The following HS3ST4 variants were observed in gnomAD, a reference collection of about 807,000 sequenced individuals.
HS3ST4 encodes heparan sulfate-glucosamine 3-sulfotransferase 4.
In HS3ST4, 17 loss-of-function variants were observed where a neutral mutation model predicts 29.2. The observed-to-expected ratio is 0.58, with a 90% CI of 0.40 to 0.87. The LOEUF (loss-of-function observed/expected upper bound fraction) is 0.87, where lower values mean the gene tolerates loss of function less well. HS3ST4 is among the 40% of genes least tolerant of loss of function. HS3ST4 has a pLI of 0.00. For synonymous variants in HS3ST4, 314 were observed against 285.7 expected, an observed-to-expected ratio of 1.10 and a Z score of -1.00; for missense variants, 627 against 634.5, an observed-to-expected ratio of 0.99 and a Z score of 0.13.
chr16:26,087,840 G>A (rs1214602528), intron 1 of HS3ST4, among the ~76,000 whole-genome samples: 2 of 151,924 alleles, frequency 1.3e-5, no homozygotes, highest in Non-Finnish European at 2.9e-5. Context: ...TTAGAATTTT[G>A]GATTAAGGAT....
chr16:26,047,175 A>G (rs1247298229), intron 1 of HS3ST4, among the ~76,000 whole-genome samples: 1 of 152,188 alleles, frequency 6.6e-6, no homozygotes, highest in African/African-American at 2.4e-5. Context: ...AGTTGCCATG[A>G]GCACCTCCTA....
chr16:25,913,041 T>C (rs1016415846), intron 1 of HS3ST4, among the ~76,000 whole-genome samples: 2 of 152,128 alleles, frequency 1.3e-5, no homozygotes, highest in Non-Finnish European at 2.9e-5. Flanking sequence ...GTTCTGGGAG[T>C]GTAAAAGATG....
At chr16:26,064,065 T>A (rs1414868442) in intron 1 of HS3ST4, among the ~76,000 whole-genome samples, 1 of 152,036 alleles carries the variant, frequency 6.6e-6, no homozygotes, top group East Asian at 1.9e-4. Flanking sequence ...GCTAGGTAGG[T>A]AACATAAACA....
chr16:25,707,564 G>T (rs922328461), intron 1 of HS3ST4, among the ~76,000 whole-genome samples: 2 of 152,192 alleles, frequency 1.3e-5, no homozygotes, highest in African/African-American at 4.8e-5. Flanking sequence ...CCAGAAGGTA[G>T]TATGAGAAGG....
intron 1 of HS3ST4, among the ~76,000 whole-genome samples, chr16:25,844,269 A>G (rs999204712): frequency 6.6e-6 from 1 of 152,196 alleles, no homozygotes; most frequent in African/African-American, 2.4e-5. Flanking sequence ...AGACACATTT[A>G]TCGTTTTGTT....
intron 1 of HS3ST4, among the ~76,000 whole-genome samples, chr16:25,938,741 C>T (rs1286678777): frequency 6.6e-6 from 1 of 152,166 alleles, no homozygotes; most frequent in African/African-American, 2.4e-5. Flanking sequence ...GTCTACTTCC[C>T]CTTTTACTGC....
At chr16:25,945,319 AGT>A (rs1968614410) in intron 1 of HS3ST4, among the ~76,000 whole-genome samples, 1 of 152,170 alleles carries the variant, frequency 6.6e-6, no homozygotes, top group South Asian at 2.1e-4. Context: ...ATGTCTTGGA[AGT>A]ATTTACATGT....
At position 25,888,289 on chromosome 16, in the gene HS3ST4, G is replaced by A. The variant is rs193091746; in HGVS notation, c.734+195138G>A. Among the ~76,000 whole-genome samples the A allele has an allele frequency of 1.2e-4, 19 of 152,272 alleles. No individual in the cohort carries two copies. The East Asian group carries it at 2.3e-3, about 19-fold the overall frequency. On this transcript the variant is annotated intron_variant, in intron 1 of 1. Coordinates refer to ENST00000331351, the MANE Select transcript of HS3ST4 (RefSeq NM_006040.3). The stretch of plus-strand genomic sequence containing the variant: ...ATTGGATCTTGGAATGAAAACGTCC[G>A]GTTGATGGTCTTCAGGAGAAGTATG...
intron 1 of HS3ST4, among the ~76,000 whole-genome samples, chr16:26,116,978 C>T (rs187972160): frequency 6.6e-6 from 1 of 152,196 alleles, no homozygotes; most frequent in Non-Finnish European, 1.5e-5. Flanking sequence ...TGGTCCCAAG[C>T]ATTTTGGATA....
chr16:26,051,912 C>CCCTTCCTTCCTTCCTTCCTT (rs1340165050), intron 1 of HS3ST4, among the ~76,000 whole-genome samples: 1 of 108,118 alleles, frequency 9.2e-6, no homozygotes, highest in African/African-American at 4.9e-5. Context: ...CTCCCTCCCT[C>CCCTTCCTTCCTTCCTTCCTT]CCTTCCTTCC....
chr16:25,928,588 G>A (rs1297430100), intron 1 of HS3ST4, among the ~76,000 whole-genome samples: 1 of 152,154 alleles, frequency 6.6e-6, no homozygotes, highest in Admixed American at 6.5e-5. Context: ...ATAGAGTACT[G>A]TCATCTCAGT....
intron 1 of HS3ST4, among the ~76,000 whole-genome samples, chr16:25,978,151 G>T (rs759621902): frequency 6.6e-6 from 1 of 152,172 alleles, no homozygotes; most frequent in Non-Finnish European, 1.5e-5. Context: ...GCTACTAACT[G>T]TACTGTTTCA....
At chr16:25,787,378 A>C (rs978445476) in intron 1 of HS3ST4, among the ~76,000 whole-genome samples, 3 of 152,224 alleles carry the variant, frequency 2.0e-5, no homozygotes, top group African/African-American at 7.2e-5. Flanking sequence ...TTTGACCAGC[A>C]TGGGGATTAA....
intron 1 of HS3ST4, among the ~76,000 whole-genome samples, chr16:25,741,736 T>A (rs1002131074): frequency 6.6e-6 from 1 of 152,166 alleles, no homozygotes; most frequent in African/African-American, 2.4e-5. Context: ...CATGGAGGTG[T>A]GCAGGAATCC....
chr16:25,808,115 A>G (rs1457426229), intron 1 of HS3ST4, among the ~76,000 whole-genome samples: 2 of 152,174 alleles, frequency 1.3e-5, no homozygotes, highest in African/African-American at 4.8e-5. Context: ...CTCACACAGC[A>G]AAAGTTTTTA....
At chr16:25,795,650 T>G (rs1488895089) in intron 1 of HS3ST4, among the ~76,000 whole-genome samples, 1 of 152,186 alleles carries the variant, frequency 6.6e-6, no homozygotes, top group South Asian at 2.1e-4. Context: ...TTGGAGATTA[T>G]GTATATCAAA....
At chr16:26,094,505 A>T (rs1898899584) in intron 1 of HS3ST4, among the ~76,000 whole-genome samples, 1 of 152,220 alleles carries the variant, frequency 6.6e-6, no homozygotes, top group South Asian at 2.1e-4. Context: ...TTTCATATCC[A>T]ACCAAACTAA....
intron 1 of HS3ST4, among the ~76,000 whole-genome samples, chr16:26,005,968 A>G (rs1304101439): frequency 6.6e-6 from 1 of 152,128 alleles, no homozygotes; most frequent in African/African-American, 2.4e-5. Flanking sequence ...GTCTCTTTAG[A>G]GGAAAATCAC....
chr16:25,907,306 A>C (rs1042956071), intron 1 of HS3ST4, among the ~76,000 whole-genome samples: 25 of 152,300 alleles, frequency 1.6e-4, no homozygotes, highest in African/African-American at 5.8e-4. Flanking sequence ...GGCTAATTCC[A>C]GGAGGGCTTC....
Sources: allele counts gnomAD v4.1 joint callset (sites outside exome capture counted in the v4.1 genomes callset), GRCh38; gene constraint gnomAD v4.1.1; transcripts MANE v1.5; gene names NCBI Gene and HGNC (gene_info 2026-07-23, HGNC 2026-07-21).